CUX1: variants seen among roughly 807,000 people sequenced by gnomAD.
CUX1 encodes the protein protein CASP.
CUX1 carries 31 observed loss-of-function variants against 158.8 expected under a neutral mutation model. That is an observed-to-expected ratio of 0.20 (90% CI 0.15 to 0.26). The LOEUF (loss-of-function observed/expected upper bound fraction) is 0.26, where lower values mean the gene tolerates loss of function less well. Among genes scored for constraint, CUX1 ranks in the 10% least tolerant of loss-of-function variants. The probability of loss-of-function intolerance (pLI) is 1.00; values close to 1 mark genes in which losing one functional copy is unlikely to be tolerated. For synonymous variants in CUX1, 879 were observed against 862.1 expected (o/e 1.02, Z -0.34); for missense variants, 1,589 against 2,014.6 (o/e 0.79, Z 4.04).
intron 11 of CUX1, among the ~76,000 whole-genome samples, chr7:102,179,497 C>T (rs543518444): frequency 8.5e-5 from 13 of 152,318 alleles, no homozygotes; most frequent in Non-Finnish European, 1.3e-4. Flanking sequence ...AAGGGACATT[C>T]TCTTGTCCAA....
At position 102,257,740 on chromosome 7, in the gene CUX1, G is replaced by A. The variant is rs1230858241; in HGVS notation, c.*8698G>A. On this transcript the variant is annotated 3_prime_UTR_variant, in exon 24 of 24. Transcript: ENST00000292535. ...CACCCCCACTCTAGCGTTTTGTCAC[G>A]TCTTACATTTTAGCAGTATTTTATA... 11 of 984,296 alleles carry A rather than the reference G, an allele frequency of 1.1e-5. No homozygotes were observed. The highest frequency in any genetic ancestry group is 1.1e-4 in the African/African-American group (6 of 56,888). The allele number at this position is 984,296 out of a possible 1,614,324, so 61.0% of individuals were successfully genotyped here.
Position 102,193,755 on chromosome 7 carries a change from T to G in CUX1, c.1077-87T>G, listed in dbSNP as rs928490602. 3 of 1,376,198 alleles carry G rather than the reference T, an allele frequency of 2.2e-6. No homozygotes were observed. The African/African-American group carries it at 4.3e-5, about 20-fold the overall frequency. 85.2% of individuals were successfully genotyped at this position (1,376,198 alleles called of 1,614,324 possible). ...GGGCAGAGGTTGCAGTGAGCCAATA[T>G]CGCGCCACTGCACTCTAGCCTGGGT... On this transcript the variant is annotated intron_variant, in intron 12 of 23. Coordinates refer to ENST00000292535, the MANE Select transcript of CUX1 (RefSeq NM_181552.4).
intron 2 of CUX1, among the ~76,000 whole-genome samples, chr7:101,926,478 G>A (rs1184900574): frequency 1.3e-5 from 2 of 152,148 alleles, no homozygotes; most frequent in African/African-American, 4.8e-5. Context: ...GCAGGGGCCT[G>A]TAGGGAAGAG....
At chr7:102,088,230 T>C (rs1828153120) in intron 4 of CUX1, among the ~76,000 whole-genome samples, 1 of 152,142 alleles carries the variant, frequency 6.6e-6, no homozygotes. Flanking sequence ...ACTCCTGACC[T>C]CAGGTGATCT....
chr7:102,277,280 G>C (rs1173333041), intron 17 of CUX1, among the ~76,000 whole-genome samples: 3 of 152,038 alleles, frequency 2.0e-5, no homozygotes, highest in East Asian at 1.9e-4. Context: ...CTGGGTGATA[G>C]AGCAAGACCC....
chr7:101,832,216 C>A (rs1401299561), intron 1 of CUX1, among the ~76,000 whole-genome samples: 1 of 152,120 alleles, frequency 6.6e-6, no homozygotes, highest in Admixed American at 6.5e-5. Context: ...TGTGGCCGTG[C>A]CAGACTCAGT....
chr7:102,147,451 C>G (rs1486235522), intron 8 of CUX1, among the ~76,000 whole-genome samples: 2 of 152,158 alleles, frequency 1.3e-5, no homozygotes, highest in African/African-American at 4.8e-5. Context: ...ACCTCACGGT[C>G]CATTGGACAA....
In CUX1 at chr7:102,041,869, A is replaced by C. The variant is rs569878633; in HGVS notation, c.189+13724A>C. ...TTTTTAGTAGAGACGGGATTTTGCC[A>C]TGTTGGCCAGGCTGGTGTCAAACTC... is the stretch of plus-strand genomic sequence containing the variant. On this transcript the variant is annotated intron_variant, in intron 3 of 23. Transcript: ENST00000292535. Among the ~76,000 whole-genome samples the C allele has an allele frequency of 2.6e-5, 4 of 152,096 alleles. No homozygotes were observed. In the South Asian group the frequency reaches 8.3e-4, roughly 32 times the overall value.
At position 102,178,612 on chromosome 7, in the gene CUX1, C is replaced by T. The variant is rs782803949; in HGVS notation, c.972C>T (p.Ile324=). Residue 324 remains isoleucine, a synonymous_variant, in exon 11 of 24, where the codon ATC becomes ATT. Transcript: ENST00000292535. The part of the protein sequence containing the change: ...TKLRENSASQ[I]SQLEQQLSAK... ...TGCGGGAGAATTCGGCCAGCCAGAT[C>T]TCACAGCTTGAGCAGCAGCTGAGCG... 21 of 1,611,510 alleles carry T rather than the reference C, an allele frequency of 1.3e-5. No individual in the cohort carries two copies. Among genetic ancestry groups the T allele is most frequent in the Admixed American group, 1.7e-5 (1 of 59,664 alleles).
chr7:102,201,382 C>G lies in CUX1; in HGVS notation c.2085C>G (p.Ser695=). 1.9e-6 allele frequency: 3 copies of G among 1,613,692 alleles called. No homozygotes were observed. Among genetic ancestry groups the G allele is most frequent in the Non-Finnish European group, 2.5e-6 (3 of 1,179,880 alleles). Residue 695 remains serine, a synonymous_variant, in exon 18 of 24, where the codon TCC becomes TCG. Transcript: ENST00000292535. The surrounding 1 kb of genome is among the most constrained non-coding windows in gnomAD (Gnocchi z 5.0). ...QKTAEPAQPS[S]ASGSGNSDDA... ...CAGCAGAGCCGGCCCAGCCTTCCTC[C>G]GCATCCGGCAGCGGGAACTCTGATG... is the stretch of plus-strand genomic sequence containing the variant.
At chr7:102,221,884 C>T (rs886068638) in intron 20 of CUX1, among the ~76,000 whole-genome samples, 1 of 152,098 alleles carries the variant, frequency 6.6e-6, no homozygotes, top group Non-Finnish European at 1.5e-5. Flanking sequence ...TGTCCTGGTC[C>T]TGCAGGCTGC....
At chr7:102,045,729 A>C (rs1187882865) in intron 3 of CUX1, among the ~76,000 whole-genome samples, 1 of 152,278 alleles carries the variant, frequency 6.6e-6, no homozygotes, top group East Asian at 1.9e-4. Flanking sequence ...TGTAATGAAC[A>C]ATCCAGAGCA....
intron 21 of CUX1, among the ~76,000 whole-genome samples, chr7:102,229,877 C>T (rs1798783032): frequency 6.6e-6 from 1 of 152,138 alleles, no homozygotes; most frequent in African/African-American, 2.4e-5. Flanking sequence ...CCACCTTGGC[C>T]TCCAAAAATG....
chr7:102,067,639 A>T (rs1825694353), intron 3 of CUX1, among the ~76,000 whole-genome samples: 3 of 151,392 alleles, frequency 2.0e-5, no homozygotes, highest in South Asian at 4.2e-4. Context: ...ATACTTTTAA[A>T]TTTTTTTTCT....
chr7:102,279,008 C>G (rs1288955525), intron 18 of CUX1, among the ~76,000 whole-genome samples: 1 of 151,992 alleles, frequency 6.6e-6, no homozygotes, highest in Non-Finnish European at 1.5e-5. Flanking sequence ...CCACTACACT[C>G]CAGCCCAGGT....
intron 3 of CUX1, among the ~76,000 whole-genome samples, chr7:102,051,769 G>A (rs1823536021): frequency 6.6e-6 from 1 of 152,188 alleles, no homozygotes; most frequent in Non-Finnish European, 1.5e-5. Context: ...CTGGATGACA[G>A]GTGGATGTGG....
intron 1 of CUX1, among the ~76,000 whole-genome samples, chr7:101,890,160 C>T (rs933894722): frequency 2.6e-5 from 4 of 152,140 alleles, no homozygotes; most frequent in African/African-American, 9.7e-5. Context: ...GGAAGGCCAG[C>T]GTGGGATAAT....
intron 2 of CUX1, among the ~76,000 whole-genome samples, chr7:101,972,955 C>T (rs1812156905): frequency 6.6e-6 from 1 of 152,300 alleles, no homozygotes; most frequent in Admixed American, 6.5e-5. Context: ...CGAAAAGCTC[C>T]AGATCTCGTT....
intron 22 of CUX1, among the ~76,000 whole-genome samples, chr7:102,237,169 T>C (rs1213749995): frequency 6.6e-6 from 1 of 152,216 alleles, no homozygotes; most frequent in African/African-American, 2.4e-5. Context: ...ACCTTCTCAA[T>C]TGCTTCTGAG....
Sources: gnomAD v4.1 joint callset for allele counts (sites outside exome capture counted in the v4.1 genomes callset) on GRCh38, gnomAD v4.1.1 for gene constraint, Gnocchi (gnomAD v3.1) non-coding constraint, MANE v1.5 for transcripts, NCBI Gene and HGNC (gene_info 2026-07-23, HGNC 2026-07-21) for gene names.